TSHZ2: variants seen among roughly 807,000 people sequenced by gnomAD.
The protein encoded by TSHZ2 is teashirt zinc finger homeobox 2.
Under a neutral mutation model 74.4 loss-of-function variants are expected in TSHZ2, and 21 were observed. The observed-to-expected ratio is 0.28, with a 90% CI of 0.20 to 0.41. The LOEUF (loss-of-function observed/expected upper bound fraction) is 0.41, where lower values mean the gene tolerates loss of function less well. Among genes scored for constraint, TSHZ2 ranks in the 10% least tolerant of loss-of-function variants. TSHZ2 has a pLI of 1.00. For synonymous variants in TSHZ2, 540 were observed against 515.3 expected (o/e 1.05, Z -0.65); for missense variants, 1,244 against 1,293.5 (o/e 0.96, Z 0.59).
intron 1 of TSHZ2, among the ~76,000 whole-genome samples, chr20:53,113,319 ATTTG>A (rs957165608): frequency 6.6e-6 from 1 of 152,276 alleles, no homozygotes; most frequent in Middle Eastern, 3.4e-3. Flanking sequence ...TCTTTCTAGA[ATTTG>A]TTTGTTTGTT....
At chr20:53,218,547 T>C (rs1989486013) in intron 1 of TSHZ2, among the ~76,000 whole-genome samples, 2 of 152,260 alleles carry the variant, frequency 1.3e-5, no homozygotes, top group Admixed American at 6.5e-5. Flanking sequence ...TGGTTCTATA[T>C]TCGCAGATGA....
At chr20:53,176,206 C>T (rs932489796) in intron 1 of TSHZ2, among the ~76,000 whole-genome samples, 2 of 152,202 alleles carry the variant, frequency 1.3e-5, no homozygotes, top group Non-Finnish European at 2.9e-5. Flanking sequence ...CTCCTATTTT[C>T]TCTCCCTCTT....
At chr20:53,136,000 G>A (rs78713943) in intron 1 of TSHZ2, among the ~76,000 whole-genome samples, 11,246 of 152,258 alleles carry the variant, frequency 0.074, 1,158 homozygotes, top group African/African-American at 0.23. Context: ...TCAATTTACA[G>A]AGGAAATAAA....
intron 1 of TSHZ2, among the ~76,000 whole-genome samples, chr20:53,170,923 G>C (rs1426350107): frequency 7.3e-6 from 1 of 137,336 alleles, no homozygotes; most frequent in Non-Finnish European, 1.6e-5. Flanking sequence ...AGGAAGGAAA[G>C]ACAATAAAAA....
At chr20:53,434,587 G>A (rs770215533) in intron 2 of TSHZ2, among the ~76,000 whole-genome samples, 1 of 152,206 alleles carries the variant, frequency 6.6e-6, no homozygotes, top group Non-Finnish European at 1.5e-5. Flanking sequence ...TCCGTTAGGG[G>A]GATATTAGAC....
At chr20:53,469,296 C>A (rs556134468) in intron 2 of TSHZ2, among the ~76,000 whole-genome samples, 119 of 151,784 alleles carry the variant, frequency 7.8e-4, no homozygotes, top group African/African-American at 2.8e-3. Context: ...GTAATCCCCA[C>A]ACTCTGGGAG....
chr20:53,192,890 A>G (rs1988772316), intron 1 of TSHZ2, among the ~76,000 whole-genome samples: 4 of 152,230 alleles, frequency 2.6e-5, no homozygotes, highest in Admixed American at 2.6e-4. Context: ...GCTGGAATAC[A>G]AGATTCCTCA....
At chr20:53,478,383 G>A (rs1986044474) in intron 2 of TSHZ2, among the ~76,000 whole-genome samples, 1 of 151,788 alleles carries the variant, frequency 6.6e-6, no homozygotes, top group Non-Finnish European at 1.5e-5. Flanking sequence ...GAAATTGGAA[G>A]TCATCATTCT....
chr20:53,473,089 C>T (rs1382257051), intron 2 of TSHZ2, among the ~76,000 whole-genome samples: 4 of 149,052 alleles, frequency 2.7e-5, no homozygotes, highest in Admixed American at 6.7e-5. Flanking sequence ...GAGGGGCGCC[C>T]GCCATTGCCC....
chr20:53,214,150 T>G (rs1198398602), intron 1 of TSHZ2, among the ~76,000 whole-genome samples: 1 of 152,218 alleles, frequency 6.6e-6, no homozygotes, highest in Non-Finnish European at 1.5e-5. Flanking sequence ...AATTAAATAT[T>G]TATTGAAATA....
chr20:53,176,838 C>T (rs1988353340), intron 1 of TSHZ2, among the ~76,000 whole-genome samples: 2 of 152,048 alleles, frequency 1.3e-5, no homozygotes, highest in South Asian at 4.2e-4. Context: ...AAGCATGCGT[C>T]ACCACGCCCA....
chr20:53,116,419 A>G (rs1478903038), intron 1 of TSHZ2, among the ~76,000 whole-genome samples: 1 of 152,058 alleles, frequency 6.6e-6, no homozygotes, highest in African/African-American at 2.4e-5. Context: ...GGGTGCCCCA[A>G]TGTCTTCCTT....
chr20:53,315,951 A>G (rs543597029), intron 2 of TSHZ2, among the ~76,000 whole-genome samples: 2 of 152,260 alleles, frequency 1.3e-5, no homozygotes, highest in African/African-American at 4.8e-5. Context: ...GAACCATGGA[A>G]AAAGGAGCCG....
chr20:53,171,173 C>G (rs1488508887), intron 1 of TSHZ2, among the ~76,000 whole-genome samples: 1 of 152,176 alleles, frequency 6.6e-6, no homozygotes, highest in African/African-American at 2.4e-5. Context: ...AGGGCTGTTT[C>G]CAACAGAACC....
At chr20:53,384,058 A>G (rs988077029) in intron 2 of TSHZ2, among the ~76,000 whole-genome samples, 1 of 152,130 alleles carries the variant, frequency 6.6e-6, no homozygotes, top group Non-Finnish European at 1.5e-5. Context: ...TCGAAACCCG[A>G]AGACATCAGA....
intron 2 of TSHZ2, among the ~76,000 whole-genome samples, chr20:53,267,631 G>A (rs1990747599): frequency 6.6e-6 from 1 of 152,148 alleles, no homozygotes; most frequent in African/African-American, 2.4e-5. Context: ...GTCATCTCCT[G>A]TCTGTACCTA....
intron 2 of TSHZ2, among the ~76,000 whole-genome samples, chr20:53,307,283 C>T (rs1297733500): frequency 6.6e-6 from 1 of 151,010 alleles, no homozygotes; most frequent in Non-Finnish European, 1.5e-5. Flanking sequence ...ATCCCACCAT[C>T]TGCTCTTCCA....
rs1379180069 is a variant in TSHZ2, at chr20:53,423,388, AAAAC to A, written c.*9-63744_*9-63741del. On this transcript the variant is annotated intron_variant, in intron 2 of 2. Coordinates refer to ENST00000371497, the MANE Select transcript of TSHZ2 (RefSeq NM_173485.6). Reference sequence around the variant, plus strand: ...GACAGAGCAAGGTTCCATCTCAAAAAAAACAAACAAACAAAAAAGGCTATGATAT... The same window carrying A: ...GACAGAGCAAGGTTCCATCTCAAAAAAAACAAACAAAAAAGGCTATGATAT... 1.0e-4 allele frequency among the ~76,000 whole-genome samples: 15 copies of A among 150,386 alleles called. No homozygotes were observed. In the East Asian group the frequency reaches 2.3e-3, roughly 23 times the overall value.
At chr20:53,052,365 G>A (rs1984500484) in intron 1 of TSHZ2, among the ~76,000 whole-genome samples, 1 of 152,210 alleles carries the variant, frequency 6.6e-6, no homozygotes, top group Non-Finnish European at 1.5e-5. Context: ...ACCAGCAAGT[G>A]CGGCATTAGA....
Sources: allele counts gnomAD v4.1 joint callset (sites outside exome capture counted in the v4.1 genomes callset), GRCh38; gene constraint gnomAD v4.1.1; transcripts MANE v1.5; gene names NCBI Gene and HGNC (gene_info 2026-07-23, HGNC 2026-07-21).